XKR6: variants seen among roughly 807,000 people sequenced by gnomAD.
The protein encoded by XKR6 is XK related 6, also known as XK-related protein 6.
Under a neutral mutation model 56.7 loss-of-function variants are expected in XKR6, and 22 were observed. That is an observed-to-expected ratio of 0.39 (90% CI 0.28 to 0.55). The LOEUF (loss-of-function observed/expected upper bound fraction) is 0.55. Among genes scored for constraint, XKR6 ranks in the 20% least tolerant of loss-of-function variants. XKR6 has a pLI of 0.66. For synonymous variants in XKR6, 524 were observed against 387.8 expected (o/e 1.35, Z -4.13); for missense variants, 852 against 889.0 (o/e 0.96, Z 0.53).
chr8:10,942,290 C>A (rs1801407316), intron 1 of XKR6, among the ~76,000 whole-genome samples: 1 of 152,216 alleles, frequency 6.6e-6, no homozygotes, highest in Non-Finnish European at 1.5e-5. Flanking sequence ...TTGTGTCTGA[C>A]AGAGCACACA....
chr8:10,955,747 C>T (rs147140740), intron 1 of XKR6, among the ~76,000 whole-genome samples: 5 of 152,196 alleles, frequency 3.3e-5, no homozygotes, highest in African/African-American at 1.2e-4. Flanking sequence ...TGAGTCTCCC[C>T]TTTCTAGAGA....
chr8:11,000,690 T>G (rs1354848349), intron 1 of XKR6, among the ~76,000 whole-genome samples: 1 of 152,030 alleles, frequency 6.6e-6, no homozygotes, highest in African/African-American at 2.4e-5. Context: ...ATCTCAAAAA[T>G]AAATAAATAA....
chr8:11,195,618 T>C (rs1372746887), intron 1 of XKR6, among the ~76,000 whole-genome samples: 2 of 151,958 alleles, frequency 1.3e-5, no homozygotes, highest in Non-Finnish European at 2.9e-5. Context: ...TCAATTTTAC[T>C]CAACTTTCCC....
At position 10,896,083 on chromosome 8, in the gene XKR6, T is replaced by TA. The variant is rs71203359; in HGVS notation, c.*1868_*1869insT. ...ATTTACTTAAAAATATTGTGTGTGT[T>TA]TATATATATATATATATATATACTT... On this transcript the variant is annotated 3_prime_UTR_variant, in exon 3 of 3. Coordinates refer to ENST00000416569, the MANE Select transcript of XKR6 (RefSeq NM_173683.4). The TA allele has an allele frequency of 7.1e-6, 1 of 141,188 alleles. No homozygotes were observed. Among genetic ancestry groups the TA allele is most frequent in the Admixed American group, 7.1e-5 (1 of 14,020 alleles). 8.7% of individuals were successfully genotyped at this position (141,188 alleles called of 1,614,324 possible). A position where few individuals can be genotyped will look rare whatever the true frequency, so the allele number is the denominator to read the frequency against.
At chr8:11,084,350 C>G (rs528144057) in intron 1 of XKR6, among the ~76,000 whole-genome samples, 2 of 152,276 alleles carry the variant, frequency 1.3e-5, no homozygotes, top group South Asian at 2.1e-4. Context: ...TTCCAGGGCA[C>G]AAATAGAAAC....
chr8:11,123,508 A>G (rs1799580390), intron 1 of XKR6: 1 of 223,388 alleles, frequency 4.5e-6, no homozygotes, highest in Non-Finnish European at 9.0e-6. Context: ...CAGCTGCTAC[A>G]ATGTGAAGCC....
chr8:10,959,842 C>T (rs1802008276), intron 1 of XKR6, among the ~76,000 whole-genome samples: 1 of 152,198 alleles, frequency 6.6e-6, no homozygotes, highest in Admixed American at 6.5e-5. Flanking sequence ...GGCAGGAACC[C>T]TCTGGGAGGA....
At chr8:11,100,531 C>T (rs774185888) in intron 1 of XKR6, among the ~76,000 whole-genome samples, 25 of 152,158 alleles carry the variant, frequency 1.6e-4, no homozygotes, top group Non-Finnish European at 3.4e-4. Flanking sequence ...GAGGATGGCA[C>T]GGATAGAAGG....
chr8:10,946,627 T>C (rs778208405), intron 1 of XKR6, among the ~76,000 whole-genome samples: 7 of 151,908 alleles, frequency 4.6e-5, no homozygotes, highest in Non-Finnish European at 1.0e-4. Context: ...TCCTGAGCAC[T>C]CTACTGCAGT....
intron 1 of XKR6, among the ~76,000 whole-genome samples, chr8:10,939,957 G>A (rs572144398): frequency 6.6e-6 from 1 of 152,354 alleles, no homozygotes; most frequent in Admixed American, 6.5e-5. Flanking sequence ...CCCTGAGTGT[G>A]CACATCGTAG....
chr8:11,166,631 G>A (rs901194944), intron 1 of XKR6, among the ~76,000 whole-genome samples: 6 of 151,944 alleles, frequency 3.9e-5, no homozygotes, highest in African/African-American at 1.5e-4. Flanking sequence ...GGAGTGCCAT[G>A]GCGTGACCTT....
chr8:11,042,240 T>A (rs1178206001), intron 1 of XKR6, among the ~76,000 whole-genome samples: 2 of 152,178 alleles, frequency 1.3e-5, no homozygotes, highest in African/African-American at 4.8e-5. Context: ...TTCCTTTTTT[T>A]TTTTTTTATC....
chr8:10,941,265 G>T (rs559714767), intron 1 of XKR6, among the ~76,000 whole-genome samples: 4 of 152,094 alleles, frequency 2.6e-5, no homozygotes, highest in Non-Finnish European at 4.4e-5. Context: ...CTGTCTGCAG[G>T]TTGGTTCCCT....
chr8:10,956,363 GC>G (rs1304638088), intron 1 of XKR6, among the ~76,000 whole-genome samples: 2 of 152,078 alleles, frequency 1.3e-5, no homozygotes, highest in East Asian at 3.9e-4. Context: ...GGCTTGCCAG[GC>G]GTCTATCCCT....
intron 1 of XKR6, among the ~76,000 whole-genome samples, chr8:11,055,850 C>T (rs567390341): frequency 5.3e-5 from 8 of 152,250 alleles, no homozygotes; most frequent in African/African-American, 1.7e-4. Flanking sequence ...GGCTGGGGAA[C>T]CTGGATCACA....
chr8:11,123,498 C>A lies in XKR6; in HGVS notation c.764+77078G>T, dbSNP rs117205155. The A allele has an allele frequency of 7.5e-3, 1,604 of 212,490 alleles. 9 individuals carry two copies. Among genetic ancestry groups the A allele is most frequent in the Non-Finnish European group, 0.011 (1,111 of 104,628 alleles). 13.2% of individuals were successfully genotyped at this position (212,490 alleles called of 1,614,324 possible). A position where few individuals can be genotyped will look rare whatever the true frequency, so the allele number is the denominator to read the frequency against. On this transcript the variant is annotated intron_variant, in intron 1 of 2. Coordinates refer to ENST00000416569, the MANE Select transcript of XKR6 (RefSeq NM_173683.4). ...CAAGGATATGCCCCACCTTCAAGAC[C>A]AGCTGCTACAATGTGAAGCCTGACA...
In XKR6 at chr8:11,060,219, A is replaced by T. The variant is rs533313037; in HGVS notation, c.765-135389T>A. 2.6e-5 allele frequency among the ~76,000 whole-genome samples: 4 copies of T among 152,290 alleles called. No homozygotes were observed. In the East Asian group the frequency reaches 7.8e-4, roughly 30 times the overall value. ...GGGTGCTAGCAGGTAAAAGGAAGTG[A>T]CATCTGGACAGTGACTAATAGCCAG... On this transcript the variant is annotated intron_variant, in intron 1 of 2. Coordinates refer to ENST00000416569, the MANE Select transcript of XKR6 (RefSeq NM_173683.4).
At chr8:11,178,963 C>T (rs922467743) in intron 1 of XKR6, among the ~76,000 whole-genome samples, 1 of 151,558 alleles carries the variant, frequency 6.6e-6, no homozygotes, top group Admixed American at 6.6e-5. Flanking sequence ...CCGCCTCAGC[C>T]TCCCAAGTAG....
chr8:11,110,842 CT>C lies in XKR6; in HGVS notation c.764+89733del, dbSNP rs535456620. ...GGTACATGGAATACACTCAACTTTC[CT>C]TTTTTTTTTTTGAGGCGGAGTCTTG... On this transcript the variant is annotated intron_variant, in intron 1 of 2. Transcript: ENST00000416569. Among the ~76,000 whole-genome samples, 264 of 144,612 alleles carry C rather than the reference CT, an allele frequency of 1.8e-3. 2 individuals are homozygous for C. In the South Asian group the frequency reaches 0.02, roughly 11 times the overall value. 94.9% of individuals were successfully genotyped at this position (144,612 alleles called of 152,430 possible).
Sources: gnomAD v4.1 joint callset for allele counts (sites outside exome capture counted in the v4.1 genomes callset) on GRCh38, gnomAD v4.1.1 for gene constraint, MANE v1.5 for transcripts, NCBI Gene and HGNC (gene_info 2026-07-23, HGNC 2026-07-21) for gene names.